The following RBM19 variants were observed in gnomAD, a reference collection of about 807,000 sequenced individuals.
RBM19 encodes the protein RNA binding motif protein 19.
RBM19 carries 94 observed loss-of-function variants against 116.8 expected under a neutral mutation model. The ratio of observed to expected loss-of-function variants is 0.80; its 90% CI spans 0.68 to 0.95. The LOEUF is 0.95. Among genes scored for constraint, RBM19 ranks in the 40% least tolerant of loss-of-function variants. RBM19 has a pLI of 0.00. For missense variants in RBM19, 1,161 were observed against 1,220.7 expected (o/e 0.95, Z 0.73); for synonymous variants, 475 against 494.1 (o/e 0.96, Z 0.51).
intron 21 of RBM19, among the ~76,000 whole-genome samples, chr12:113,866,170 C>A (rs2891477): frequency 0.066 from 10,060 of 152,186 alleles, 653 homozygotes; most frequent in East Asian, 0.34. Context: ...TCTTAGAGTG[C>A]CTTTTAGACT....
intron 23 of RBM19, among the ~76,000 whole-genome samples, chr12:113,839,686 A>G (rs1876293773): frequency 6.6e-6 from 1 of 152,246 alleles, no homozygotes; most frequent in African/African-American, 2.4e-5. Flanking sequence ...CCCAGTAAGG[A>G]AAGCTGCTAC....
chr12:113,830,611 T>C lies in RBM19; in HGVS notation c.2786-7290A>G, dbSNP rs996445525. Among the ~76,000 whole-genome samples, 4 of 135,880 alleles carry C rather than the reference T, an allele frequency of 2.9e-5. No individual in the cohort carries two copies. The South Asian group carries it at 1.1e-3, about 37-fold the overall frequency. The allele number at this position is 135,880 out of a possible 152,430, so 89.1% of individuals were successfully genotyped here. Reference sequence around the variant, plus strand: ...GGGGTGGGCTATGCCTGGGGGCTTCTAGACTTGGTCCCACATGTTTGTATT... The same window carrying C: ...GGGGTGGGCTATGCCTGGGGGCTTCCAGACTTGGTCCCACATGTTTGTATT... On this transcript the variant is annotated intron_variant, in intron 23 of 23. Coordinates refer to ENST00000261741, the MANE Select transcript of RBM19 (RefSeq NM_016196.4).
At chr12:113,821,031 T>C (rs1014564814), downstream of RBM19, among the ~76,000 whole-genome samples, 8 of 152,170 alleles carry the variant, frequency 5.3e-5, no homozygotes, top group South Asian at 1.0e-3. Flanking sequence ...GATAACGCTT[T>C]TGTGACGGAG....
chr12:113,817,620 T>C (rs1260445976), downstream of RBM19: 2 of 152,262 alleles, frequency 1.3e-5, no homozygotes, highest in East Asian at 3.9e-4. Context: ...CGGGCCTGGC[T>C]TGGGATCCCA....
At chr12:113,921,925 C>T (rs1868612528) in intron 18 of RBM19, among the ~76,000 whole-genome samples, 1 of 152,190 alleles carries the variant, frequency 6.6e-6, no homozygotes. Flanking sequence ...CCTGGGCTCC[C>T]CAGATTCCTT....
chr12:113,926,965 T>C, intron 17 of RBM19, 89 bp downstream of exon 17: 2 of 1,423,594 alleles, frequency 1.4e-6, no homozygotes, highest in East Asian at 4.6e-5. Flanking sequence ...ACGCATCATG[T>C]TTCAGGGCAG....
chr12:113,883,522 AGACT>A (rs1254841353), intron 21 of RBM19, among the ~76,000 whole-genome samples: 4 of 152,264 alleles, frequency 2.6e-5, no homozygotes, highest in African/African-American at 9.6e-5. Context: ...CTAATAGGGC[AGACT>A]GACTGACTCC....
intron 23 of RBM19, among the ~76,000 whole-genome samples, chr12:113,831,491 G>T (rs902180287): frequency 3.3e-5 from 5 of 151,970 alleles, no homozygotes; most frequent in African/African-American, 1.2e-4. Flanking sequence ...CCAAACCCTC[G>T]TCCAATCCCG....
At chr12:113,840,967 C>G (rs11066780) in intron 23 of RBM19, among the ~76,000 whole-genome samples, 5 of 152,338 alleles carry the variant, frequency 3.3e-5, no homozygotes, top group South Asian at 2.1e-4. Flanking sequence ...TCTGCTCCCC[C>G]CTGGGGCCTT....
chr12:113,824,818 C>T (rs1874721012), intron 23 of RBM19, among the ~76,000 whole-genome samples: 1 of 152,100 alleles, frequency 6.6e-6, no homozygotes, highest in Non-Finnish European at 1.5e-5. Context: ...TCCACGGCTG[C>T]ACCCCAATCC....
In RBM19 at chr12:113,962,224, C is replaced by G; in HGVS notation, c.219+8G>C. 6.2e-7 allele frequency: 1 copy of G among 1,613,854 alleles called. No homozygotes were observed. ...AGGAAGGTAAGGGTGAGACTCCTGC[C>G]CACTCACTGTGATCCGGGATGTGTC... On this transcript the variant is annotated splice_region_variant and intron_variant, in intron 2 of 23. Coordinates refer to ENST00000261741, the MANE Select transcript of RBM19 (RefSeq NM_016196.4).
chr12:113,865,317 A>C (rs1194788221), intron 21 of RBM19, among the ~76,000 whole-genome samples: 2 of 152,144 alleles, frequency 1.3e-5, no homozygotes, highest in Non-Finnish European at 2.9e-5. Flanking sequence ...TTCAATTCTC[A>C]GCTGAAATGC....
chr12:113,963,821 C>G (rs749164968), intron 1 of RBM19, among the ~76,000 whole-genome samples: 2 of 152,216 alleles, frequency 1.3e-5, no homozygotes, highest in Non-Finnish European at 2.9e-5. Context: ...CTCTTCAGCA[C>G]CACGCTTTGA....
At chr12:113,900,765 G>A (rs772456533) in intron 21 of RBM19, among the ~76,000 whole-genome samples, 38 of 152,194 alleles carry the variant, frequency 2.5e-4, no homozygotes, top group Non-Finnish European at 5.0e-4. Context: ...ACTTCTCTTG[G>A]CTTGAGCAGC....
chr12:113,821,614 A>G (rs1442857216), downstream of RBM19, among the ~76,000 whole-genome samples: 2 of 152,146 alleles, frequency 1.3e-5, no homozygotes, highest in Non-Finnish European at 1.5e-5. Context: ...GAGCCACCCC[A>G]CTATAAAAGC....
At chr12:113,845,990 T>C (rs2135719859) in intron 22 of RBM19, among the ~76,000 whole-genome samples, 1 of 152,328 alleles carries the variant, frequency 6.6e-6, no homozygotes, top group African/African-American at 2.4e-5. Flanking sequence ...CAAAAATGAG[T>C]TAACAGCGTC....
intron 22 of RBM19, 54 bp downstream of exon 22, chr12:113,858,737 T>C (rs1015518368): frequency 4.6e-6 from 7 of 1,535,486 alleles, no homozygotes; most frequent in African/African-American, 1.4e-5. Flanking sequence ...TCTCCTACAA[T>C]GGGTACTGGA....
intron 21 of RBM19, among the ~76,000 whole-genome samples, chr12:113,870,418 G>C (rs553445297): frequency 6.6e-6 from 1 of 152,266 alleles, no homozygotes; most frequent in Non-Finnish European, 1.5e-5. Flanking sequence ...CCCTAATGTG[G>C]TCTGCAGAGC....
At chr12:113,900,342 G>T (rs1023885346) in intron 21 of RBM19, among the ~76,000 whole-genome samples, 1 of 152,142 alleles carries the variant, frequency 6.6e-6, no homozygotes, top group Admixed American at 6.5e-5. Context: ...AGTCAAGTAC[G>T]TGCAGCTGTT....
Sources: gnomAD v4.1 joint callset for allele counts (sites outside exome capture counted in the v4.1 genomes callset) on GRCh38, gnomAD v4.1.1 for gene constraint, MANE v1.5 for transcripts, NCBI Gene and HGNC (gene_info 2026-07-23, HGNC 2026-07-21) for gene names.